DOK6: variants seen among roughly 807,000 people sequenced by gnomAD.
The protein encoded by DOK6 is downstream of tyrosine kinase 6.
DOK6 carries 22 observed loss-of-function variants against 44.0 expected under a neutral mutation model. The observed-to-expected ratio is 0.50, with a 90% confidence interval of 0.36 to 0.71. DOK6 has a LOEUF of 0.71. DOK6 is among the 30% of genes least tolerant of loss of function. DOK6 has a pLI of 0.00. For missense variants in DOK6, 340 were observed against 416.4 expected (o/e 0.82, Z 1.60); for synonymous variants, 166 against 145.5 (o/e 1.14, Z -1.01).
intron 5 of DOK6, chr18:69,724,742 A>G (rs1978297666): frequency 6.6e-6 from 1 of 152,198 alleles, no homozygotes; most frequent in Non-Finnish European, 1.5e-5. Flanking sequence ...CTTCTCCCCC[A>G]TCTTACGTCA....
At chr18:69,668,093 C>A (rs1262919737) in intron 3 of DOK6, among the ~76,000 whole-genome samples, 3 of 152,072 alleles carry the variant, frequency 2.0e-5, no homozygotes, top group African/African-American at 7.2e-5. Flanking sequence ...CTTTTGTATT[C>A]ATCTTTAATT....
intron 3 of DOK6, among the ~76,000 whole-genome samples, chr18:69,643,093 G>T (rs566772139): frequency 6.6e-6 from 1 of 152,202 alleles, no homozygotes; most frequent in Non-Finnish European, 1.5e-5. Context: ...TATATTCACT[G>T]TAATAAACCA....
At chr18:69,413,054 T>C (rs563333380) in intron 1 of DOK6, among the ~76,000 whole-genome samples, 4 of 152,248 alleles carry the variant, frequency 2.6e-5, no homozygotes, top group South Asian at 4.1e-4. Context: ...TTAATAACTT[T>C]AGAGAATATT....
At chr18:69,720,196 AT>A (rs200164934) in intron 5 of DOK6, among the ~76,000 whole-genome samples, 4 of 150,754 alleles carry the variant, frequency 2.7e-5, no homozygotes, top group Middle Eastern at 3.4e-3. Flanking sequence ...CAAAAAAAAA[AT>A]TTTTTTTTTA....
chr18:69,617,733 G>A lies in DOK6; in HGVS notation c.289+18235G>A, dbSNP rs1284883971. 7.8e-3 allele frequency among the ~76,000 whole-genome samples: 353 copies of A among 45,066 alleles called. 1 individual carries two copies. Among genetic ancestry groups the A allele is most frequent in the South Asian group, 0.02 (17 of 842 alleles). The allele number at this position is 45,066 out of a possible 152,430, so 29.6% of individuals were successfully genotyped here. A position where few individuals can be genotyped will look rare whatever the true frequency, so the allele number is the denominator to read the frequency against. On this transcript the variant is annotated intron_variant, in intron 3 of 7. Coordinates refer to ENST00000382713, the MANE Select transcript of DOK6 (RefSeq NM_152721.6). ...AAAGAAAGAAAGAAAGAAAAAAGGG[G>A]GAAGGAGGGAAGGAAGGAAGGAAAG...
At chr18:69,608,865 G>C (rs1456771464) in intron 3 of DOK6, among the ~76,000 whole-genome samples, 24 of 146,974 alleles carry the variant, frequency 1.6e-4, no homozygotes, top group African/African-American at 5.5e-4. Flanking sequence ...CAGGTGAATC[G>C]CTTCAACCCG....
At chr18:69,836,229 G>A (rs1310836369) in intron 7 of DOK6, among the ~76,000 whole-genome samples, 1 of 152,152 alleles carries the variant, frequency 6.6e-6, no homozygotes, top group African/African-American at 2.4e-5. Flanking sequence ...ATACAGCAGG[G>A]AAGCTTCTTT....
intron 3 of DOK6, among the ~76,000 whole-genome samples, chr18:69,630,969 C>G (rs572425038): frequency 6.6e-6 from 1 of 152,240 alleles, no homozygotes; most frequent in African/African-American, 2.4e-5. Context: ...AGTAGCTTGG[C>G]AAACTAAAGG....
In DOK6 at chr18:69,757,871, A is replaced by G; in HGVS notation, c.854A>G (p.Gln285Arg). 1 of 1,613,488 alleles carries G rather than the reference A, an allele frequency of 6.2e-7. No individual in the cohort carries two copies. The highest frequency in any genetic ancestry group is 2.2e-5 in the East Asian group (1 of 44,876). The change falls in exon 7 of 8, where the codon CAA becomes CGA. Residue 285 changes from glutamine (Q) to arginine (R), a missense_variant and splice_region_variant. Gln to Arg is a conservative substitution (Grantham distance 43). Around this residue, in one of 3 missense-constraint regions of DOK6, gnomAD observed 112 missense variants for 109.3 expected, o/e 1.02. Coordinates refer to ENST00000382713, the MANE Select transcript of DOK6 (RefSeq NM_152721.6). Reference sequence around the variant, plus strand: ...AGCGTTGGTGAAATCTACAGTTTGCAAGGCAAGTCACTTTAATGTAAGAAA... The same window carrying G: ...AGCGTTGGTGAAATCTACAGTTTGCGAGGCAAGTCACTTTAATGTAAGAAA... ...QNSVGEIYSL[Q>R]GHGFGSSKMS...
At chr18:69,502,882 T>C (rs1310362623) in intron 1 of DOK6, among the ~76,000 whole-genome samples, 1 of 152,134 alleles carries the variant, frequency 6.6e-6, no homozygotes, top group Non-Finnish European at 1.5e-5. Flanking sequence ...CTTAATAGGA[T>C]AAGGATATAG....
At chr18:69,642,655 T>C (rs1010883493) in intron 3 of DOK6, among the ~76,000 whole-genome samples, 33 of 152,332 alleles carry the variant, frequency 2.2e-4, no homozygotes, top group African/African-American at 7.9e-4. Context: ...TTGTCTCTTA[T>C]AATACCCTCC....
At chr18:69,471,025 G>A (rs1440508840) in intron 1 of DOK6, among the ~76,000 whole-genome samples, 1 of 151,614 alleles carries the variant, frequency 6.6e-6, no homozygotes, top group Non-Finnish European at 1.5e-5. Flanking sequence ...CGAGGCAGGC[G>A]GATCACCTGA....
At chr18:69,492,213 T>G (rs958987442) in intron 1 of DOK6, among the ~76,000 whole-genome samples, 1 of 152,140 alleles carries the variant, frequency 6.6e-6, no homozygotes, top group African/African-American at 2.4e-5. Context: ...ACAATACTAT[T>G]TATATGAAAA....
At chr18:69,751,212 C>T (rs916322963) in intron 6 of DOK6, among the ~76,000 whole-genome samples, 3 of 152,026 alleles carry the variant, frequency 2.0e-5, no homozygotes, top group East Asian at 1.9e-4. Context: ...GTTAGTAATG[C>T]TGTATTGTAC....
intron 1 of DOK6, among the ~76,000 whole-genome samples, chr18:69,434,946 GGGAGGGAGGGAAGGAAGGAA>G (rs1978911639): frequency 8.1e-6 from 1 of 123,706 alleles, no homozygotes; most frequent in East Asian, 2.5e-4. Context: ...GAGGGAGGGA[GGGAGGGAGGGAAGGAAGGAA>G]GGAAGGAAGG....
intron 3 of DOK6, among the ~76,000 whole-genome samples, chr18:69,659,082 T>C (rs1399431834): frequency 6.6e-6 from 1 of 152,202 alleles, no homozygotes; most frequent in Non-Finnish European, 1.5e-5. Context: ...TAGAACAATA[T>C]AAACATTTAA....
chr18:69,466,386 T>C (rs1191269329), intron 1 of DOK6, among the ~76,000 whole-genome samples: 5 of 152,228 alleles, frequency 3.3e-5, no homozygotes, highest in African/African-American at 1.2e-4. Context: ...TGTACATCTA[T>C]ACTGCATTTT....
At chr18:69,466,774 A>T (rs751262301) in intron 1 of DOK6, among the ~76,000 whole-genome samples, 5 of 151,690 alleles carry the variant, frequency 3.3e-5, no homozygotes, top group Non-Finnish European at 7.4e-5. Flanking sequence ...AAGTAGGAAA[A>T]GTAAGAGGGA....
chr18:69,772,008 T>TAA (rs34816663), intron 7 of DOK6, among the ~76,000 whole-genome samples: 34 of 111,702 alleles, frequency 3.0e-4, no homozygotes, highest in Middle Eastern at 4.4e-3. Context: ...GAGACCTCAG[T>TAA]AAAAAAAAAA....
Sources: gnomAD v4.1 joint callset for allele counts (sites outside exome capture counted in the v4.1 genomes callset) on GRCh38, gnomAD v4.1.1 for gene constraint, gnomAD v4.1.1 regional missense constraint, MANE v1.5 for transcripts, NCBI Gene and HGNC (gene_info 2026-07-23, HGNC 2026-07-21) for gene names.